MIS18A: variants seen among roughly 807,000 people sequenced by gnomAD.
MIS18A encodes the protein MIS18 kinetochore protein A, also known as protein Mis18-alpha.
MIS18A carries 14 observed loss-of-function variants against 25.0 expected under a neutral mutation model. The observed-to-expected ratio is 0.56, with a 90% CI of 0.37 to 0.88. The LOEUF is 0.88. Among genes scored for constraint, MIS18A ranks in the 40% least tolerant of loss-of-function variants. The pLI, the probability that MIS18A is intolerant of heterozygous loss-of-function variation, is 0.00. For missense variants in MIS18A, 292 were observed against 290.8 expected (o/e 1.00, Z -0.03); for synonymous variants, 134 against 118.6 (o/e 1.13, Z -0.84).
intron 1 of MIS18A, 58 bp downstream of exon 1, chr21:32,278,623 C>T: frequency 7.0e-7 from 1 of 1,434,086 alleles, no homozygotes; most frequent in Non-Finnish European, 9.1e-7. Context: ...CGCCCACGCG[C>T]GGCACCCCTG....
chr21:32,164,872 T>C, the MIS18A span, among the ~76,000 whole-genome samples: 2 of 152,186 alleles, frequency 1.3e-5, no homozygotes, highest in African/African-American at 4.8e-5. Context: ...TAAAATTAGC[T>C]TCTGAATCAT....
chr21:32,207,906 T>C, the MIS18A span, among the ~76,000 whole-genome samples: 1 of 152,210 alleles, frequency 6.6e-6, no homozygotes. Flanking sequence ...GGGCCTATGC[T>C]CAAGCTTGGT....
At chr21:32,236,337 C>T in the MIS18A span, among the ~76,000 whole-genome samples, 7 of 152,052 alleles carry the variant, frequency 4.6e-5, no homozygotes, top group Admixed American at 6.5e-5. Flanking sequence ...GAGCTAAGAT[C>T]GCACCACCGC....
the MIS18A span, among the ~76,000 whole-genome samples, chr21:32,161,727 G>A: frequency 7.4e-6 from 1 of 134,418 alleles, no homozygotes; most frequent in Non-Finnish European, 1.5e-5. Flanking sequence ...CCTGATCTCA[G>A]GTGATCTGCC....
the MIS18A span, among the ~76,000 whole-genome samples, chr21:32,182,585 C>T: frequency 1.3e-5 from 2 of 152,118 alleles, no homozygotes; most frequent in African/African-American, 2.4e-5. Flanking sequence ...CGGGTGGGCT[C>T]GTCATAAGTG....
At chr21:32,275,936 C>A (rs535832004) in intron 1 of MIS18A, among the ~76,000 whole-genome samples, 2 of 152,168 alleles carry the variant, frequency 1.3e-5, no homozygotes, top group African/African-American at 4.8e-5. Context: ...TCCTTCAATG[C>A]TTTCTCCAAA....
At chr21:32,173,336 A>G in the MIS18A span, among the ~76,000 whole-genome samples, 2 of 152,188 alleles carry the variant, frequency 1.3e-5, no homozygotes, top group East Asian at 1.9e-4. Context: ...TCCTCATGCA[A>G]TGCTGGTAGG....
In MIS18A at chr21:32,278,751, G is replaced by A; in HGVS notation, c.264C>T (p.Cys88=). ...TCAGCGAGTCGCCCAGCGGCCGCCG[G>A]CAGCCGGAGCACAGGAACACCAGCG... The part of the protein sequence containing the change: ...ERPLVFLCSG[C]RRPLGDSLSW... The change falls in exon 1 of 5, where the codon TGC becomes TGT. Residue 88 remains cysteine, a synonymous_variant. Transcript: ENST00000290130. 1 of 1,576,780 alleles carries A rather than the reference G, an allele frequency of 6.3e-7. No individual in the cohort carries two copies. The highest frequency in any genetic ancestry group is 8.6e-7 in the Non-Finnish European group (1 of 1,167,490).
At chr21:32,271,863 G>A (rs1003916604) in intron 2 of MIS18A, among the ~76,000 whole-genome samples, 4 of 152,150 alleles carry the variant, frequency 2.6e-5, no homozygotes, top group Non-Finnish European at 2.9e-5. Flanking sequence ...TTATAAGACC[G>A]CCTCACACCA....
chr21:32,243,594 A>T, the MIS18A span, among the ~76,000 whole-genome samples: 1 of 152,274 alleles, frequency 6.6e-6, no homozygotes, highest in Admixed American at 6.5e-5. Context: ...TGGAACATCT[A>T]AACATTTCTT....
chr21:32,193,069 C>A, the MIS18A span, among the ~76,000 whole-genome samples: 1 of 152,192 alleles, frequency 6.6e-6, no homozygotes, highest in South Asian at 2.1e-4. Context: ...AGGTTCCATG[C>A]CCAGAATCTG....
intron 1 of MIS18A, 194 bp downstream of exon 1, chr21:32,278,487 C>A (rs1009612300): frequency 1.7e-6 from 1 of 594,892 alleles, no homozygotes; most frequent in South Asian, 2.3e-5. Flanking sequence ...AGAAAAGAAC[C>A]CACCGCCCGA....
intron 1 of MIS18A, chr21:32,278,369 CTCTT>C: frequency 2.6e-6 from 1 of 391,350 alleles, no homozygotes; most frequent in Non-Finnish European, 4.6e-6. Context: ...CCATTTGTTT[CTCTT>C]TTTTTAGGGT....
the MIS18A span, among the ~76,000 whole-genome samples, chr21:32,175,198 C>A: frequency 6.6e-5 from 10 of 151,998 alleles, no homozygotes; most frequent in Non-Finnish European, 1.3e-4. Context: ...TTAAACATAC[C>A]CAAACATATA....
chr21:32,200,970 A>G, the MIS18A span, among the ~76,000 whole-genome samples: 1 of 152,208 alleles, frequency 6.6e-6, no homozygotes, highest in Non-Finnish European at 1.5e-5. Flanking sequence ...CTTGCTATAA[A>G]GGAATACCTG....
the MIS18A span, among the ~76,000 whole-genome samples, chr21:32,237,139 A>G: frequency 6.6e-6 from 1 of 150,964 alleles, no homozygotes; most frequent in Non-Finnish European, 1.5e-5. Context: ...GAAGAAAGCT[A>G]TAAAGGCCAG....
In MIS18A at chr21:32,278,804, C is replaced by A; in HGVS notation, c.211G>T (p.Glu71Ter). ...VADMERAQLE[E>*]EAAAAEERPL... is the part of the protein sequence containing the mutation. The stretch of plus-strand genomic sequence containing the variant: ...CTCTCCTCCGCAGCCGCCGCCTCCT[C>A]CTCCAGCTGCGCCCTCTCCATGTCG... The change falls in exon 1 of 5, where the codon GAG becomes TAG. Residue 71 changes from glutamate (E) to a stop codon, truncating the protein, a stop_gained. Transcript: ENST00000290130. LOFTEE classifies it high-confidence loss of function. 6.3e-7 allele frequency: 1 copy of A among 1,591,916 alleles called. No individual in the cohort carries two copies. The highest frequency in any genetic ancestry group is 1.1e-5 in the South Asian group (1 of 89,300).
At chr21:32,182,675 G>A in the MIS18A span, among the ~76,000 whole-genome samples, 11,756 of 152,076 alleles carry the variant, frequency 0.077, 577 homozygotes, top group South Asian at 0.16. Flanking sequence ...ATAAGAACAC[G>A]GTGCAATAAA....
the MIS18A span, chr21:32,261,236 G>A: frequency 1.3e-5 from 2 of 152,184 alleles, no homozygotes; most frequent in African/African-American, 4.8e-5. Context: ...TTAAAGGGGA[G>A]AACAATTTTA....
Sources: allele counts gnomAD v4.1 joint callset (sites outside exome capture counted in the v4.1 genomes callset), GRCh38; gene constraint gnomAD v4.1.1; transcripts MANE v1.5; gene names NCBI Gene and HGNC (gene_info 2026-07-23, HGNC 2026-07-21).